Variants in HIVEP3 observed in about 807,000 individuals in gnomAD.
The protein encoded by HIVEP3 is transcription factor HIVEP3.
A neutral mutation model predicts 152.8 loss-of-function variants in HIVEP3; 49 were observed. The observed-to-expected ratio is 0.32, with a 90% CI of 0.26 to 0.41. The LOEUF (loss-of-function observed/expected upper bound fraction) is 0.41, where lower values mean the gene tolerates loss of function less well. HIVEP3 is among the 10% of genes least tolerant of loss of function. The pLI, the probability that HIVEP3 is intolerant of heterozygous loss-of-function variation, is 1.00. For missense variants in HIVEP3, 2,790 were observed against 3,103.3 expected, an observed-to-expected ratio of 0.90 and a Z score of 2.40; for synonymous variants, 1,269 against 1,289.0, an observed-to-expected ratio of 0.98 and a Z score of 0.33.
In HIVEP3 at chr1:41,759,085, A is replaced by C. The variant is rs1033844605; in HGVS notation, c.-800-58090T>G. 1.8e-4 allele frequency among the ~76,000 whole-genome samples: 27 copies of C among 152,200 alleles called. No homozygotes were observed. In the South Asian group the frequency reaches 5.0e-3, roughly 28 times the overall value. On this transcript the variant is annotated intron_variant, in intron 1 of 8. Transcript: ENST00000372583. ...CTCAAATGGAAATTCCATAATCATT[A>C]GCAGTAACTCCCCATTTCCCCCTTT...
intron 1 of HIVEP3, among the ~76,000 whole-genome samples, chr1:41,753,942 T>G (rs1570464348): frequency 6.6e-6 from 1 of 151,584 alleles, no homozygotes; most frequent in African/African-American, 2.4e-5. Flanking sequence ...GTGGTGGGGG[T>G]AAGAGGAGAA....
rs756963406 is a variant in HIVEP3, at chr1:41,510,707, C to A, written c.6965G>T (p.Arg2322Leu). 1.1e-5 allele frequency: 17 copies of A among 1,527,622 alleles called. No individual in the cohort carries two copies. The highest frequency in any genetic ancestry group is 2.4e-5 in the East Asian group (1 of 41,786). 94.6% of individuals were successfully genotyped at this position (1,527,622 alleles called of 1,614,324 possible). Residue 2322 changes from arginine to leucine, a missense_variant, in exon 9 of 9, where the codon CGC becomes CTC. By Grantham distance (102) the Arg-to-Leu change is moderately radical (BLOSUM62 -2). Transcript: ENST00000372583. The part of the protein sequence containing the change: ...PDTLPRPPQG[R>L]RAAQSWSPRL... Reference sequence around the variant, plus strand: ...GGGGCTCCAGGACTGCGCTGCCCGGCGTCCCTGGGGCGGCCGGGGCAAGGT... The same window carrying A: ...GGGGCTCCAGGACTGCGCTGCCCGGAGTCCCTGGGGCGGCCGGGGCAAGGT...
chr1:41,714,185 C>T (rs1646555894), intron 1 of HIVEP3, among the ~76,000 whole-genome samples: 1 of 152,140 alleles, frequency 6.6e-6, no homozygotes, highest in African/African-American at 2.4e-5. Context: ...GGATTTTAAC[C>T]CTCTGATGTT....
chr1:41,525,991 CCA>C (rs5773740), intron 5 of HIVEP3, among the ~76,000 whole-genome samples: 45,544 of 151,852 alleles, frequency 0.3, 8,493 homozygotes, highest in Non-Finnish European at 0.43. Context: ...CCAACGCCAG[CCA>C]GAGTTGCCCT....
At chr1:41,951,786 TACCATG>T (rs1645108466) in intron 1 of HIVEP3, among the ~76,000 whole-genome samples, 2 of 152,052 alleles carry the variant, frequency 1.3e-5, no homozygotes, top group South Asian at 4.1e-4. Context: ...ACTCACTCAC[TACCATG>T]AGAAAAGCAT....
chr1:41,741,909 T>C (rs1475806053), intron 1 of HIVEP3, among the ~76,000 whole-genome samples: 1 of 152,228 alleles, frequency 6.6e-6, no homozygotes, highest in Non-Finnish European at 1.5e-5. Context: ...GCTTTTCCCT[T>C]CAACTGTCTA....
chr1:42,028,218 C>A lies in HIVEP3; in HGVS notation n.119+7589G>T, dbSNP rs142462040. 3.4e-3 allele frequency among the ~76,000 whole-genome samples: 511 copies of A among 152,068 alleles called. 1 individual carries two copies. The highest frequency in any genetic ancestry group is 0.012 in the African/African-American group (478 of 41,472). ...TTGTTGTTTAGCGTTATCTTTTCTT[C>A]CATCAAAATCTAAGCTTTAGAAGAA... On this transcript the variant is annotated intron_variant and non_coding_transcript_variant, in intron 1 of 3. Coordinates refer to the HIVEP3 transcript ENST00000489103.
At chr1:41,766,475 G>A (rs1648015264) in intron 1 of HIVEP3, among the ~76,000 whole-genome samples, 1 of 152,202 alleles carries the variant, frequency 6.6e-6, no homozygotes, top group Non-Finnish European at 1.5e-5. Flanking sequence ...TGTGTCAGAG[G>A]CTGTGCTAAG....
chr1:41,969,781 A>T (rs1645219196), intron 1 of HIVEP3, among the ~76,000 whole-genome samples: 1 of 152,240 alleles, frequency 6.6e-6, no homozygotes. Flanking sequence ...AATCTAAAGA[A>T]TGGGAGAAAA....
chr1:41,604,107 G>A (rs1447819248), intron 3 of HIVEP3, among the ~76,000 whole-genome samples: 4 of 152,130 alleles, frequency 2.6e-5, no homozygotes, highest in Admixed American at 6.5e-5. Context: ...AGACACATTT[G>A]GACAATTGAT....
At chr1:41,685,693 C>T (rs1482161054) in intron 2 of HIVEP3, among the ~76,000 whole-genome samples, 1 of 152,230 alleles carries the variant, frequency 6.6e-6, no homozygotes, top group Non-Finnish European at 1.5e-5. Flanking sequence ...GGAACAGAGT[C>T]AGGGTTTGAA....
At chr1:41,536,539 G>A (rs1055828340) in intron 5 of HIVEP3, among the ~76,000 whole-genome samples, 1 of 152,136 alleles carries the variant, frequency 6.6e-6, no homozygotes, top group African/African-American at 2.4e-5. Flanking sequence ...ACATGATCAA[G>A]CAAAGCAGGG....
chr1:41,817,522 G>A (rs1205815800), intron 1 of HIVEP3, among the ~76,000 whole-genome samples: 2 of 152,188 alleles, frequency 1.3e-5, no homozygotes, highest in East Asian at 1.9e-4. Context: ...CTGAGCAGGG[G>A]ATGTGGGCAC....
intron 2 of HIVEP3, among the ~76,000 whole-genome samples, chr1:41,679,235 A>G (rs1105413): frequency 0.069 from 10,556 of 152,136 alleles, 1,212 homozygotes; most frequent in African/African-American, 0.24. Flanking sequence ...TGGTGGCTCA[A>G]GTTTTCATGA....
intron 1 of HIVEP3, among the ~76,000 whole-genome samples, chr1:41,725,198 T>C (rs1646734422): frequency 6.6e-6 from 1 of 152,140 alleles, no homozygotes; most frequent in Non-Finnish European, 1.5e-5. Context: ...GAGGCACCTC[T>C]CATGCTGTGA....
chr1:41,802,204 G>T (rs1298151390), intron 1 of HIVEP3, among the ~76,000 whole-genome samples: 1 of 152,162 alleles, frequency 6.6e-6, no homozygotes, highest in Non-Finnish European at 1.5e-5. Context: ...AGCTTTGGGA[G>T]TTTTTCCAAG....
Position 41,513,330 on chromosome 1 carries a change from G to A in HIVEP3, c.5891C>T (p.Ser1964Phe), listed in dbSNP as rs367669398. The A allele has an allele frequency of 6.2e-7, 1 of 1,613,126 alleles. No individual in the cohort carries two copies. Among genetic ancestry groups the A allele is most frequent in the East Asian group, 2.2e-5 (1 of 44,828 alleles). ...GCTTGGGGACCACGGTCTTCTTGGG[G>A]ACACAGGCTTGTAGCTCAAGGCTGA... ...TGSALSYKPV[S>F]PRRPWSPSKE... is the part of the protein sequence containing the mutation. The change falls in exon 8 of 9, where the codon TCC (serine) becomes TTC (phenylalanine). Residue 1964 changes from serine (S) to phenylalanine (F), a missense_variant. Physicochemically the swap from Ser to Phe is radical, Grantham distance 155. Coordinates refer to ENST00000372583, the MANE Select transcript of HIVEP3 (RefSeq NM_024503.5).
chr1:41,865,855 G>T (rs749997447), intron 1 of HIVEP3, among the ~76,000 whole-genome samples: 3 of 152,144 alleles, frequency 2.0e-5, no homozygotes, highest in Non-Finnish European at 2.9e-5. Context: ...TCCATTACAC[G>T]TAGCTTTGGG....
intron 1 of HIVEP3, among the ~76,000 whole-genome samples, chr1:41,813,611 A>G (rs1160390440): frequency 2.0e-5 from 3 of 152,222 alleles, no homozygotes; most frequent in Non-Finnish European, 1.5e-5. Context: ...TAGAGGACAG[A>G]TCTTCTACGC....
Sources: allele counts gnomAD v4.1 joint callset (sites outside exome capture counted in the v4.1 genomes callset), GRCh38; gene constraint gnomAD v4.1.1; transcripts MANE v1.5; gene names NCBI Gene and HGNC (gene_info 2026-07-23, HGNC 2026-07-21).